CCDC178: variants seen among roughly 807,000 people sequenced by gnomAD.
CCDC178 encodes the protein coiled-coil domain-containing protein 178.
In CCDC178, 126 loss-of-function variants were observed where a neutral mutation model predicts 117.4. That is an observed-to-expected ratio of 1.07 (90% CI 0.93 to 1.24). CCDC178 has a LOEUF of 1.24. CCDC178 is among the 50% of genes most tolerant of loss of function. The pLI, the probability that CCDC178 is intolerant of heterozygous loss-of-function variation, is 0.00. For synonymous variants in CCDC178, 283 were observed against 313.4 expected, an observed-to-expected ratio of 0.90 and a Z score of 1.02; for missense variants, 1,030 against 986.9, an observed-to-expected ratio of 1.04 and a Z score of -0.59.
intron 21 of CCDC178, among the ~76,000 whole-genome samples, chr18:33,004,035 A>G (rs963415339): frequency 3.9e-5 from 6 of 152,142 alleles, no homozygotes; most frequent in African/African-American, 7.2e-5. Flanking sequence ...GGACACAAAA[A>G]AATAGAAAAA....
intron 21 of CCDC178, among the ~76,000 whole-genome samples, chr18:33,028,052 A>G (rs1436307730): frequency 1.3e-5 from 2 of 151,790 alleles, no homozygotes; most frequent in African/African-American, 4.8e-5. Context: ...AAGTTTGAGA[A>G]TCAATGTTCT....
intron 6 of CCDC178, among the ~76,000 whole-genome samples, chr18:33,359,920 A>C (rs930381012): frequency 1.3e-5 from 2 of 151,356 alleles, no homozygotes; most frequent in Non-Finnish European, 3.0e-5. Flanking sequence ...GACCTTGTTT[A>C]TTTAAGTCTA....
chr18:33,097,441 T>C (rs1240164058), intron 20 of CCDC178, among the ~76,000 whole-genome samples: 1 of 152,132 alleles, frequency 6.6e-6, no homozygotes, highest in Non-Finnish European at 1.5e-5. Flanking sequence ...CTTGTCCAAA[T>C]GTCTGGCACA....
At chr18:33,377,673 T>C (rs1177556365) in intron 5 of CCDC178, among the ~76,000 whole-genome samples, 1 of 152,180 alleles carries the variant, frequency 6.6e-6, no homozygotes, top group African/African-American at 2.4e-5. Flanking sequence ...TATGGCTAGC[T>C]AGCTGTCTCA....
At chr18:32,952,857 T>C (rs1215200500) in intron 22 of CCDC178, among the ~76,000 whole-genome samples, 1 of 150,074 alleles carries the variant, frequency 6.7e-6, no homozygotes, top group Non-Finnish European at 1.5e-5. Flanking sequence ...CACTGCAAGC[T>C]CCGCCTCCTG....
intron 21 of CCDC178, chr18:32,983,138 T>TA (rs560819848): frequency 0.11 from 43,838 of 386,102 alleles, 6 homozygotes; most frequent in East Asian, 0.18. Context: ...AAATAAAATC[T>TA]AAAAAAAAAA....
At chr18:33,290,192 C>G (rs1335345259) in intron 12 of CCDC178, among the ~76,000 whole-genome samples, 1 of 152,034 alleles carries the variant, frequency 6.6e-6, no homozygotes, top group Non-Finnish European at 1.5e-5. Context: ...TATGCCCAAA[C>G]CAGAGAAAAC....
intron 21 of CCDC178, among the ~76,000 whole-genome samples, chr18:33,064,839 GAA>G (rs952331315): frequency 6.6e-6 from 1 of 151,510 alleles, no homozygotes; most frequent in Non-Finnish European, 1.5e-5. Context: ...AACAATAAAA[GAA>G]AAAAAGTGTC....
chr18:32,976,955 G>A (rs139990954), intron 21 of CCDC178, among the ~76,000 whole-genome samples: 7 of 152,206 alleles, frequency 4.6e-5, no homozygotes, highest in African/African-American at 1.7e-4. Flanking sequence ...AATACAATTT[G>A]CTAAATGATG....
Position 33,072,304 on chromosome 18 carries a change from A to G in CCDC178, c.2388+20457T>C, listed in dbSNP as rs532806305. Among the ~76,000 whole-genome samples, 10 of 152,292 alleles carry G rather than the reference A, an allele frequency of 6.6e-5. No individual in the cohort carries two copies. In the South Asian group the frequency reaches 2.1e-3, roughly 32 times the overall value. The stretch of plus-strand genomic sequence containing the variant: ...ATTTAGAGAAAATATAGAGGATATT[A>G]CCCTCTGAAATCTCTTAGGAATAAA... On this transcript the variant is annotated intron_variant, in intron 21 of 22. Transcript: ENST00000383096.
rs144791368 is a variant in CCDC178, at chr18:33,254,163, G to A, written c.1410-8735C>T. Among the ~76,000 whole-genome samples, 48 of 151,752 alleles carry A rather than the reference G, an allele frequency of 3.2e-4. 1 individual carries two copies. In the East Asian group the frequency reaches 8.2e-3, roughly 26 times the overall value. ...ATAGCACAGAGAATAGGAGGACGGA[G>A]ATACTGAAGCAAAGGAAGAACTAAG... is the stretch of plus-strand genomic sequence containing the variant. On this transcript the variant is annotated intron_variant, in intron 14 of 22. Transcript: ENST00000383096.
rs549101062 is a variant in CCDC178 at position 33,403,374 on chromosome 18, A to G, written c.59-6166T>C. On this transcript the variant is annotated intron_variant, in intron 3 of 22. Transcript: ENST00000383096. ...ATTTAGAAAAGTTGCTAAATTAACA[A>G]CTACAAAAATCAGCAGGGAAAGCAA... Among the ~76,000 whole-genome samples the G allele has an allele frequency of 7.2e-5, 11 of 152,270 alleles. No individual in the cohort carries two copies. The South Asian group carries it at 2.3e-3, about 32-fold the overall frequency.
intron 2 of CCDC178, among the ~76,000 whole-genome samples, chr18:33,420,129 C>G (rs1048535420): frequency 1.3e-5 from 2 of 152,076 alleles, no homozygotes; most frequent in Non-Finnish European, 2.9e-5. Flanking sequence ...AGAATGAGAT[C>G]ATGTCCTTTG....
chr18:33,271,044 T>A (rs1384108790), intron 12 of CCDC178, among the ~76,000 whole-genome samples: 3 of 151,316 alleles, frequency 2.0e-5, no homozygotes, highest in Admixed American at 2.0e-4. Context: ...TCCAAAATAA[T>A]TTTTTTTGTA....
At chr18:33,212,403 A>G (rs1256138880) in intron 19 of CCDC178, among the ~76,000 whole-genome samples, 1 of 152,018 alleles carries the variant, frequency 6.6e-6, no homozygotes, top group Non-Finnish European at 1.5e-5. Context: ...ATATTAAGAT[A>G]GCTCGAGGAA....
intron 7 of CCDC178, among the ~76,000 whole-genome samples, chr18:33,352,979 C>T (rs954949684): frequency 6.6e-6 from 1 of 151,968 alleles, no homozygotes; most frequent in African/African-American, 2.4e-5. Context: ...CTGCTTAGTT[C>T]TTTTATCCAT....
intron 21 of CCDC178, among the ~76,000 whole-genome samples, chr18:32,994,962 C>T (rs1433046661): frequency 1.3e-5 from 2 of 152,116 alleles, no homozygotes; most frequent in African/African-American, 4.8e-5. Flanking sequence ...TGTTTAATGG[C>T]TCATTTGAAA....
At chr18:33,007,222 GCAA>G (rs1287795056) in intron 21 of CCDC178, among the ~76,000 whole-genome samples, 1 of 151,964 alleles carries the variant, frequency 6.6e-6, no homozygotes, top group Non-Finnish European at 1.5e-5. Flanking sequence ...CATTTTCTAC[GCAA>G]CAACAAGGCC....
chr18:33,362,888 T>C (rs2063149717), intron 6 of CCDC178, among the ~76,000 whole-genome samples: 1 of 151,992 alleles, frequency 6.6e-6, no homozygotes, highest in African/African-American at 2.4e-5. Flanking sequence ...AGTTGCTCAC[T>C]TAAAAATGGT....
Sources: gnomAD v4.1 joint callset for allele counts (sites outside exome capture counted in the v4.1 genomes callset) on GRCh38, gnomAD v4.1.1 for gene constraint, MANE v1.5 for transcripts, NCBI Gene and HGNC (gene_info 2026-07-23, HGNC 2026-07-21) for gene names.